The following ZNF746 variants were observed in gnomAD, a reference collection of about 807,000 sequenced individuals.
ZNF746 encodes parkin-interacting substrate.
A neutral mutation model predicts 41.0 loss-of-function variants in ZNF746; 13 were observed. The ratio of observed to expected loss-of-function variants is 0.32; its 90% CI spans 0.21 to 0.50. The LOEUF (loss-of-function observed/expected upper bound fraction) is 0.50, where lower values mean the gene tolerates loss of function less well. ZNF746 is among the 20% of genes least tolerant of loss of function. ZNF746 has a pLI of 0.98. For missense variants in ZNF746, 811 were observed against 922.9 expected, an observed-to-expected ratio of 0.88 and a Z score of 1.57; for synonymous variants, 424 against 396.2, an observed-to-expected ratio of 1.07 and a Z score of -0.83.
chr7:149,475,400 G>C lies in ZNF746; in HGVS notation c.967C>G (p.His323Asp). ...TGGCCTGGTCCAAACAGGGTCCCGTGAGCCTCTAGGTCAGTAGGATGTACG... is the reference window on the plus strand; with the variant it reads ...TGGCCTGGTCCAAACAGGGTCCCGTCAGCCTCTAGGTCAGTAGGATGTACG... ...TPVHPTDLEA[H>D]GTLFGPGQAT... Residue 323 changes from histidine to aspartate, a missense_variant, in exon 7 of 7, where the codon CAC becomes GAC. By Grantham distance (81) the His-to-Asp change is moderately conservative. This residue lies in a region of ZNF746 where 495 missense variants were observed against 481.6 expected (regional missense o/e 1.03). Coordinates refer to ENST00000458143, the MANE Select transcript of ZNF746 (RefSeq NM_001394198.1). The C allele has an allele frequency of 6.2e-7, 1 of 1,614,204 alleles. No homozygotes were observed. Among genetic ancestry groups the C allele is most frequent in the Non-Finnish European group, 8.5e-7 (1 of 1,180,022 alleles).
chr7:149,480,129 T>G (rs1412075534), intron 4 of ZNF746, among the ~76,000 whole-genome samples: 1 of 152,070 alleles, frequency 6.6e-6, no homozygotes, highest in African/African-American at 2.4e-5. Flanking sequence ...CACACACACA[T>G]TCTCAGGAGG....
Position 149,474,826 on chromosome 7 carries a change from C to A in ZNF746, c.1541G>T (p.Gly514Val). ...ATCCCGTGCGCTGCCCCCACCGCTG[C>A]CGCCACCGCCGCCGCCACTGCCGCT... ...GGSGSGGGGGGSGGGSARDGS... is the reference protein window; with the variant it reads ...GGSGSGGGGGVSGGGSARDGS... Residue 514 changes from glycine to valine, a missense_variant, in exon 7 of 7, where the codon GGC becomes GTC. Physicochemically the swap from Gly to Val is moderately radical, Grantham distance 109. Around this residue, in one of 4 missense-constraint regions of ZNF746, gnomAD observed 495 missense variants for 481.6 expected, o/e 1.03. Transcript: ENST00000458143. The surrounding 1 kb of genome is among the most constrained non-coding windows in gnomAD (Gnocchi z 6.3). The A allele has an allele frequency of 7.0e-7, 1 of 1,419,298 alleles. No individual in the cohort carries two copies. The allele number at this position is 1,419,298 out of a possible 1,614,324, so 87.9% of individuals were successfully genotyped here.
At chr7:149,478,385 C>G (rs1369419312) in intron 4 of ZNF746, among the ~76,000 whole-genome samples, 1 of 152,202 alleles carries the variant, frequency 6.6e-6, no homozygotes, top group African/African-American at 2.4e-5. Context: ...CGGGAGCCAC[C>G]AGGAAGCAGC....
chr7:149,479,033 A>G (rs1172221566), intron 4 of ZNF746, among the ~76,000 whole-genome samples: 4 of 152,244 alleles, frequency 2.6e-5, no homozygotes, highest in African/African-American at 9.6e-5. Flanking sequence ...GACCTGGAGG[A>G]CAGAATGAGA....
intron 6 of ZNF746, 80 bp downstream of exon 6, chr7:149,476,842 C>T (rs1800316721): frequency 4.4e-6 from 7 of 1,596,354 alleles, no homozygotes; most frequent in Non-Finnish European, 6.0e-6. Context: ...AGCAGTTCAC[C>T]AGTGAAAATG....
chr7:149,488,821 A>G (rs1243751622), intron 4 of ZNF746: 3 of 152,122 alleles, frequency 2.0e-5, no homozygotes, highest in African/African-American at 7.2e-5. Flanking sequence ...CGCTGGGTCT[A>G]CTCCCTGGAG....
rs1400180497 is a variant in ZNF746, at chr7:149,477,033, A to C, written c.772T>G (p.Phe258Val). 6.2e-7 allele frequency: 1 copy of C among 1,613,000 alleles called. No individual in the cohort carries two copies. Among genetic ancestry groups the C allele is most frequent in the Non-Finnish European group, 8.5e-7 (1 of 1,179,734 alleles). Residue 258 changes from phenylalanine to valine, a missense_variant, in exon 6 of 7, where the codon TTT (phenylalanine) becomes GTT (valine). Phe to Val is a conservative substitution (Grantham distance 50). Transcript: ENST00000458143. ...TDATSGVHSNFSTTIPPTSWQ... is the reference protein window; with the variant it reads ...TDATSGVHSNVSTTIPPTSWQ... ...GAGGTGGGCGGGATGGTGGTGGAAA[A>C]GTTGGAATGGACACCTGCGGTAAGG...
intron 4 of ZNF746, among the ~76,000 whole-genome samples, chr7:149,487,026 CCT>C (rs1800647217): frequency 6.6e-6 from 1 of 152,160 alleles, no homozygotes. Flanking sequence ...ACAGCCACTC[CCT>C]GTCGCTGGCA....
intron 4 of ZNF746, among the ~76,000 whole-genome samples, chr7:149,486,487 T>C (rs1562989992): frequency 6.6e-6 from 1 of 151,482 alleles, no homozygotes; most frequent in Non-Finnish European, 1.5e-5. Context: ...CATTGTATTA[T>C]GGTCACAAAA....
intron 4 of ZNF746, among the ~76,000 whole-genome samples, chr7:149,483,595 G>T (rs762140338): frequency 2.0e-5 from 3 of 151,456 alleles, no homozygotes; most frequent in Non-Finnish European, 4.4e-5. Context: ...GACAGAGCGA[G>T]ACTCCGTGTA....
Position 149,497,142 on chromosome 7 carries a change from G to T in ZNF746, c.24+371C>A, listed in dbSNP as rs1320426714. On this transcript the variant is annotated intron_variant, in intron 1 of 6. Coordinates refer to ENST00000458143, the MANE Select transcript of ZNF746 (RefSeq NM_001394198.1). This position sits in a 1 kb window ranked among gnomAD's most constrained non-coding sequence, Gnocchi z 4.2. ...CCAGGTGCCACCAGGCCGCTGCGGG[G>T]GAGATGGAGAGGGACCTACAGGCCG... 2 of 985,244 alleles carry T rather than the reference G, an allele frequency of 2.0e-6. No homozygotes were observed. Among genetic ancestry groups the T allele is most frequent in the Non-Finnish European group, 2.4e-6 (2 of 829,924 alleles). The allele number at this position is 985,244 out of a possible 1,614,324, so 61.0% of individuals were successfully genotyped here.
chr7:149,483,138 T>C (rs1285462335), intron 4 of ZNF746, among the ~76,000 whole-genome samples: 1 of 152,200 alleles, frequency 6.6e-6, no homozygotes, highest in Non-Finnish European at 1.5e-5. Flanking sequence ...CTCCCATACA[T>C]ACTAAAATTT....
chr7:149,489,107 T>C (rs1800714405), intron 4 of ZNF746: 1 of 152,200 alleles, frequency 6.6e-6, no homozygotes. Flanking sequence ...GTATTATATA[T>C]TGTTTACAGC....
chr7:149,485,947 G>C (rs35902373), intron 4 of ZNF746, among the ~76,000 whole-genome samples: 52,996 of 151,982 alleles, frequency 0.35, 9,631 homozygotes, highest in East Asian at 0.5. Flanking sequence ...GCTGAGTTAG[G>C]AGAATTACTT....
At chr7:149,486,787 G>A (rs1016062094) in intron 4 of ZNF746, among the ~76,000 whole-genome samples, 5 of 152,186 alleles carry the variant, frequency 3.3e-5, no homozygotes, top group Non-Finnish European at 7.3e-5. Flanking sequence ...AGGGGAGGAC[G>A]GGGGTCCAAG....
At chr7:149,492,315 A>G (rs1300328601) in intron 4 of ZNF746, among the ~76,000 whole-genome samples, 1 of 152,198 alleles carries the variant, frequency 6.6e-6, no homozygotes. Flanking sequence ...AGTAATAAAT[A>G]TATTTTCTCT....
rs1050509638 is a variant in ZNF746, at chr7:149,472,821, A to G, written c.*1563T>C. 1 of 152,650 alleles carries G rather than the reference A, an allele frequency of 6.6e-6. No individual in the cohort carries two copies. The highest frequency in any genetic ancestry group is 2.4e-5 in the African/African-American group (1 of 41,468). 9.5% of individuals were successfully genotyped at this position (152,650 alleles called of 1,614,324 possible). On this transcript the variant is annotated 3_prime_UTR_variant, in exon 7 of 7. Coordinates refer to ENST00000458143, the MANE Select transcript of ZNF746 (RefSeq NM_001394198.1). ...GGTGCTGGTTAGGTTTTATTTTAAC[A>G]GGATGTTTTCTCTTATTTTTCAAAA...
chr7:149,496,749 C>T, intron 1 of ZNF746: 1 of 912,348 alleles, frequency 1.1e-6, no homozygotes, highest in Non-Finnish European at 1.3e-6. Context: ...CAAGAGGCCC[C>T]CTGACACTCC....
chr7:149,483,930 T>C (rs918163081), intron 4 of ZNF746, among the ~76,000 whole-genome samples: 7 of 152,148 alleles, frequency 4.6e-5, no homozygotes, highest in African/African-American at 1.7e-4. Context: ...ATAGAGGATA[T>C]TATGAATGTT....
Sources: gnomAD v4.1 joint callset for allele counts (sites outside exome capture counted in the v4.1 genomes callset) on GRCh38, gnomAD v4.1.1 for gene constraint, gnomAD v4.1.1 regional missense constraint, Gnocchi (gnomAD v3.1) non-coding constraint, MANE v1.5 for transcripts, NCBI Gene and HGNC (gene_info 2026-07-23, HGNC 2026-07-21) for gene names.